Variants in SLC20A2 observed in about 807,000 individuals in gnomAD.
SLC20A2 encodes sodium-dependent phosphate transporter 2.
A neutral mutation model predicts 61.0 loss-of-function variants in SLC20A2; 30 were observed. The observed-to-expected ratio is 0.49, with a 90% CI of 0.37 to 0.67. The LOEUF (loss-of-function observed/expected upper bound fraction) is 0.67, where lower values mean the gene tolerates loss of function less well. Among genes scored for constraint, SLC20A2 ranks in the 30% least tolerant of loss-of-function variants. SLC20A2 has a pLI of 0.00. For synonymous variants in SLC20A2, 351 were observed against 353.3 expected (o/e 0.99, Z 0.07); for missense variants, 626 against 866.4 (o/e 0.72, Z 3.48).
intron 4 of SLC20A2, 96 bp downstream of exon 4, chr8:42,462,909 T>A (rs1033278958): frequency 9.2e-6 from 6 of 653,366 alleles, no homozygotes; most frequent in Non-Finnish European, 1.6e-5. Flanking sequence ...AATGTATGAA[T>A]ACAATTATTC....
intron 1 of SLC20A2, among the ~76,000 whole-genome samples, chr8:42,495,281 A>G (rs1035532180): frequency 6.6e-6 from 1 of 152,242 alleles, no homozygotes; most frequent in African/African-American, 2.4e-5. Context: ...TACAGAAATG[A>G]AAATAGCTTT....
In SLC20A2 at chr8:42,437,522, G is replaced by C; in HGVS notation, c.990C>G (p.Thr330=). The C allele has an allele frequency of 1.9e-6, 3 of 1,614,134 alleles. No individual in the cohort carries two copies. Among genetic ancestry groups the C allele is most frequent in the Non-Finnish European group, 2.5e-6 (3 of 1,180,004 alleles). Residue 330 remains threonine, a synonymous_variant, in exon 8 of 11, where the codon ACC becomes ACG. Coordinates refer to ENST00000520262, the MANE Select transcript of SLC20A2 (RefSeq NM_001257180.2). The surrounding 1 kb of genome is among the most constrained non-coding windows in gnomAD (Gnocchi z 6.4). The stretch of plus-strand genomic sequence containing the variant: ...TCCTGGTGTGGCCGTCGAAGCCGAA[G>C]GTGCCGTTGGAGATGGGCGATTTCA... ...GSVKSPISNG[T]FGFDGHTRSD...
At chr8:42,527,850 T>C (rs1812075884) in intron 1 of SLC20A2, among the ~76,000 whole-genome samples, 1 of 152,158 alleles carries the variant, frequency 6.6e-6, no homozygotes, top group Non-Finnish European at 1.5e-5. Context: ...CAAAATATAA[T>C]AAATGAAATT....
intron 1 of SLC20A2, among the ~76,000 whole-genome samples, chr8:42,526,445 G>A (rs1356300688): frequency 1.3e-5 from 2 of 151,954 alleles, no homozygotes; most frequent in Admixed American, 6.6e-5. Context: ...AGGCCAAGGT[G>A]GGCGGATCAC....
intron 1 of SLC20A2, among the ~76,000 whole-genome samples, chr8:42,511,615 A>G (rs1422632021): frequency 2.6e-5 from 4 of 151,066 alleles, no homozygotes; most frequent in Non-Finnish European, 5.9e-5. Flanking sequence ...TGACAGAGCA[A>G]GACTCCATCT....
At chr8:42,493,279 T>C (rs1310865367) in intron 1 of SLC20A2, among the ~76,000 whole-genome samples, 5 of 152,224 alleles carry the variant, frequency 3.3e-5, no homozygotes, top group Non-Finnish European at 7.3e-5. Flanking sequence ...ATTCAGGCCA[T>C]GAGGACATCC....
chr8:42,526,972 G>A (rs896014633), intron 1 of SLC20A2, among the ~76,000 whole-genome samples: 2 of 151,952 alleles, frequency 1.3e-5, no homozygotes, highest in Admixed American at 1.3e-4. Flanking sequence ...ATGCATGGTG[G>A]CGTGCGCCTA....
intron 1 of SLC20A2, among the ~76,000 whole-genome samples, chr8:42,520,949 A>G (rs1359319923): frequency 1.7e-5 from 2 of 121,208 alleles, no homozygotes; most frequent in Admixed American, 8.3e-5. Flanking sequence ...TGCAAATTAT[A>G]CAGAAAGATA....
At chr8:42,468,509 C>A (rs1446742294) in intron 2 of SLC20A2, among the ~76,000 whole-genome samples, 1 of 152,098 alleles carries the variant, frequency 6.6e-6, no homozygotes. Flanking sequence ...GCACCTTAGC[C>A]TCAGGGGTGT....
chr8:42,462,084 G>A (rs1806751528), intron 4 of SLC20A2, among the ~76,000 whole-genome samples: 1 of 152,138 alleles, frequency 6.6e-6, no homozygotes, highest in Non-Finnish European at 1.5e-5. Context: ...ATCTGGGGGA[G>A]GGGAGGAGAG....
At chr8:42,452,437 T>G (rs535689067) in intron 5 of SLC20A2, among the ~76,000 whole-genome samples, 54 of 87,726 alleles carry the variant, frequency 6.2e-4, no homozygotes, top group East Asian at 1.7e-3. Context: ...GAGGAAGAGA[T>G]GAAGAGGAGG....
chr8:42,469,436 T>C (rs1327786987), intron 2 of SLC20A2, among the ~76,000 whole-genome samples: 2 of 152,204 alleles, frequency 1.3e-5, no homozygotes, highest in Non-Finnish European at 2.9e-5. Flanking sequence ...GTATCCTTCA[T>C]TCTTTCAGTA....
rs1811639786 is a variant in SLC20A2, at chr8:42,522,216, T to C, written c.-265+19605A>G. 1.7e-5 allele frequency among the ~76,000 whole-genome samples: 2 copies of C among 121,192 alleles called. 1 individual carries two copies. Among genetic ancestry groups the C allele is most frequent in the Admixed American group, 1.7e-4 (2 of 12,006 alleles). The allele number at this position is 121,192 out of a possible 152,430, so 79.5% of individuals were successfully genotyped here. ...GTCCCAGGTACTAGAGCCTATCTCA[T>C]TTAACTCAACAGACAATCCAATGAG... On this transcript the variant is annotated intron_variant, in intron 1 of 10. Transcript: ENST00000342228.
At position 42,443,350 on chromosome 8, in the gene SLC20A2, C is replaced by T. The variant is rs1363748725; in HGVS notation, c.730+1296G>A. ...TTTTTTTTGAGACGGAGTCTCGCTCCGTCACCCAGGCTGGAGTGCAGTGGC... is the reference window on the plus strand; with the variant it reads ...TTTTTTTTGAGACGGAGTCTCGCTCTGTCACCCAGGCTGGAGTGCAGTGGC... On this transcript the variant is annotated intron_variant, in intron 6 of 10. Coordinates refer to ENST00000520262, the MANE Select transcript of SLC20A2 (RefSeq NM_001257180.2). Among the ~76,000 whole-genome samples, 8 of 136,574 alleles carry T rather than the reference C, an allele frequency of 5.9e-5. No homozygotes were observed. In the South Asian group the frequency reaches 6.9e-4, roughly 12 times the overall value. 89.6% of individuals were successfully genotyped at this position (136,574 alleles called of 152,430 possible).
At chr8:42,440,788 T>C (rs1804713338) in intron 6 of SLC20A2, among the ~76,000 whole-genome samples, 1 of 152,174 alleles carries the variant, frequency 6.6e-6, no homozygotes, top group Non-Finnish European at 1.5e-5. Context: ...ACTGTCAGTA[T>C]TTTTCATTAT....
chr8:42,498,966 A>AACT (rs1782617093), intron 1 of SLC20A2, among the ~76,000 whole-genome samples: 1 of 152,246 alleles, frequency 6.6e-6, no homozygotes, highest in African/African-American at 2.4e-5. Context: ...GCAGAAGGCT[A>AACT]TCCCTCTAGG....
intron 1 of SLC20A2, among the ~76,000 whole-genome samples, chr8:42,486,232 ATTTT>A (rs936522035): frequency 2.0e-5 from 3 of 151,218 alleles, no homozygotes; most frequent in South Asian, 2.1e-4. Context: ...CTCCTTTAGT[ATTTT>A]TTTATTTAAA....
intron 1 of SLC20A2, among the ~76,000 whole-genome samples, chr8:42,525,926 T>C (rs974888394): frequency 6.6e-6 from 1 of 152,190 alleles, no homozygotes; most frequent in African/African-American, 2.4e-5. Flanking sequence ...GGTATATTCA[T>C]GAGTATATAC....
chr8:42,439,249 C>T (rs531127618), intron 7 of SLC20A2, among the ~76,000 whole-genome samples: 3 of 152,332 alleles, frequency 2.0e-5, no homozygotes, highest in South Asian at 4.1e-4. Context: ...TGGAAGAAAT[C>T]ACAGGACAAG....
Sources: allele counts gnomAD v4.1 joint callset (sites outside exome capture counted in the v4.1 genomes callset), GRCh38; gene constraint gnomAD v4.1.1; non-coding constraint Gnocchi (gnomAD v3.1); transcripts MANE v1.5; gene names NCBI Gene and HGNC (gene_info 2026-07-23, HGNC 2026-07-21).